The following KLHL1 variants were observed in gnomAD, a reference collection of about 807,000 sequenced individuals.
KLHL1 encodes the protein kelch-like protein 1.
KLHL1 carries 47 observed loss-of-function variants against 77.7 expected under a neutral mutation model. That is an observed-to-expected ratio of 0.60 (90% CI 0.48 to 0.77). The LOEUF is 0.77. Ranked by LOEUF, KLHL1 falls within the 30% of genes least tolerant of loss-of-function variation. KLHL1 has a pLI of 0.00. For missense variants in KLHL1, 925 were observed against 910.8 expected, an observed-to-expected ratio of 1.02 and a Z score of -0.20; for synonymous variants, 360 against 325.2, an observed-to-expected ratio of 1.11 and a Z score of -1.15.
chr13:69,800,352 C>T (rs970951539), intron 6 of KLHL1, among the ~76,000 whole-genome samples: 2 of 152,070 alleles, frequency 1.3e-5, no homozygotes, highest in Non-Finnish European at 2.9e-5. Flanking sequence ...AGGATATGGA[C>T]ATTTTTCTGG....
At chr13:70,024,992 A>G (rs2137357690) in intron 1 of KLHL1, among the ~76,000 whole-genome samples, 1 of 152,084 alleles carries the variant, frequency 6.6e-6, no homozygotes, top group Admixed American at 6.6e-5. Context: ...GATATTTTTT[A>G]TAAGCCTCAC....
chr13:69,729,996 G>C (rs1179226933), intron 8 of KLHL1, among the ~76,000 whole-genome samples: 1 of 151,842 alleles, frequency 6.6e-6, no homozygotes, highest in Non-Finnish European at 1.5e-5. Context: ...TACAGGAAAA[G>C]TAATCTGAAT....
chr13:70,000,448 T>C (rs1593663884), intron 1 of KLHL1, among the ~76,000 whole-genome samples: 3 of 151,992 alleles, frequency 2.0e-5, no homozygotes, highest in South Asian at 4.1e-4. Flanking sequence ...AAAGCGTATA[T>C]ACATTAGTTA....
intron 3 of KLHL1, among the ~76,000 whole-genome samples, chr13:69,948,347 A>G (rs1593977885): frequency 6.6e-6 from 1 of 151,994 alleles, no homozygotes; most frequent in Non-Finnish European, 1.5e-5. Flanking sequence ...ATCCCCAGAA[A>G]TTTTTCTCCA....
At chr13:70,033,175 A>G (rs1886148523) in intron 1 of KLHL1, among the ~76,000 whole-genome samples, 2 of 152,200 alleles carry the variant, frequency 1.3e-5, no homozygotes, top group Non-Finnish European at 2.9e-5. Flanking sequence ...CTATGTTGAA[A>G]GAAAAGGTAT....
chr13:69,931,064 C>T (rs886972833), intron 4 of KLHL1, among the ~76,000 whole-genome samples: 1 of 148,402 alleles, frequency 6.7e-6, no homozygotes, highest in African/African-American at 2.6e-5. Context: ...TATCAGACGT[C>T]AAATTAGAAA....
chr13:70,062,733 GT>G, intron 1 of KLHL1, among the ~76,000 whole-genome samples: 1 of 152,002 alleles, frequency 6.6e-6, no homozygotes, highest in East Asian at 1.9e-4. Context: ...GCTTCTTAAT[GT>G]ATTAAACTTG....
At chr13:69,822,197 C>CAAAAAA (rs35346749) in intron 6 of KLHL1, among the ~76,000 whole-genome samples, 17 of 78,392 alleles carry the variant, frequency 2.2e-4, no homozygotes, top group African/African-American at 6.4e-4. Flanking sequence ...GACTCCATCT[C>CAAAAAA]AAAAAAAAAA....
chr13:69,777,909 T>C (rs1021692657), intron 7 of KLHL1, among the ~76,000 whole-genome samples: 7 of 152,140 alleles, frequency 4.6e-5, no homozygotes, highest in Non-Finnish European at 1.0e-4. Flanking sequence ...GGTAGTTGAA[T>C]GCAGGAATAA....
chr13:70,044,549 C>A (rs1886451534), intron 1 of KLHL1, among the ~76,000 whole-genome samples: 2 of 151,626 alleles, frequency 1.3e-5, no homozygotes, highest in Non-Finnish European at 2.9e-5. Flanking sequence ...TGGAAAATTT[C>A]TTTTAAAATA....
At position 69,939,378 on chromosome 13, in the gene KLHL1, T is replaced by TATATATATATACAC. The variant is rs1200160699; in HGVS notation, c.1014+661_1014+662insGTGTATATATATAT. ...ATATATATATATATATATATATATA[T>TATATATATATACAC]ACACACACACACGCACACACATACA... On this transcript the variant is annotated intron_variant, in intron 4 of 10. Coordinates refer to ENST00000377844, the MANE Select transcript of KLHL1 (RefSeq NM_020866.3). Among the ~76,000 whole-genome samples the TATATATATATACAC allele has an allele frequency of 9.3e-3, 656 of 70,206 alleles. 9 individuals carry two copies. Among genetic ancestry groups the TATATATATATACAC allele is most frequent in the African/African-American group, 0.011 (168 of 15,594 alleles). The allele number at this position is 70,206 out of a possible 152,430, so 46.1% of individuals were successfully genotyped here.
intron 6 of KLHL1, among the ~76,000 whole-genome samples, chr13:69,814,279 A>G (rs537291178): frequency 6.6e-6 from 1 of 152,280 alleles, no homozygotes; most frequent in African/African-American, 2.4e-5. Context: ...TAAGACCTCA[A>G]ACCATAAAAA....
chr13:70,101,978 G>A (rs926845698), intron 1 of KLHL1, among the ~76,000 whole-genome samples: 15 of 150,848 alleles, frequency 9.9e-5, no homozygotes, highest in Admixed American at 7.3e-4. Context: ...GTAAAATTGA[G>A]TAAGTTTGTT....
At chr13:70,054,695 TCAGA>T (rs928499377) in intron 1 of KLHL1, among the ~76,000 whole-genome samples, 4 of 150,394 alleles carry the variant, frequency 2.7e-5, no homozygotes, top group African/African-American at 7.3e-5. Flanking sequence ...CAGAATCCTC[TCAGA>T]CAAATTTAAA....
chr13:70,069,891 G>A (rs764968517), intron 1 of KLHL1, among the ~76,000 whole-genome samples: 47 of 152,000 alleles, frequency 3.1e-4, no homozygotes, highest in Non-Finnish European at 4.0e-4. Flanking sequence ...AGATGAGGCC[G>A]GGCACGGTGG....
chr13:69,896,211 C>G (rs1233827051), intron 4 of KLHL1, among the ~76,000 whole-genome samples: 4 of 152,140 alleles, frequency 2.6e-5, no homozygotes, highest in African/African-American at 9.7e-5. Context: ...TGATTGGAAT[C>G]TCTCTTGCAG....
At chr13:69,882,214 T>C in intron 5 of KLHL1, 69 bp downstream of exon 5, 1 of 1,047,338 alleles carries the variant, frequency 9.5e-7, no homozygotes, top group Non-Finnish European at 1.5e-6. Context: ...AAATGTGTTT[T>C]GATGTTTACT....
chr13:70,060,422 C>A (rs559051055), intron 1 of KLHL1, among the ~76,000 whole-genome samples: 1 of 151,576 alleles, frequency 6.6e-6, no homozygotes, highest in South Asian at 2.1e-4. Flanking sequence ...AGATATGTAA[C>A]AAAAAGGAAG....
At chr13:69,846,747 CAT>C (rs1294290518) in intron 5 of KLHL1, among the ~76,000 whole-genome samples, 7 of 151,448 alleles carry the variant, frequency 4.6e-5, no homozygotes, top group South Asian at 2.1e-4. Flanking sequence ...AAAATAGTCA[CAT>C]GTTTAGCAAC....
Sources: gnomAD v4.1 joint callset for allele counts (sites outside exome capture counted in the v4.1 genomes callset) on GRCh38, gnomAD v4.1.1 for gene constraint, MANE v1.5 for transcripts, NCBI Gene and HGNC (gene_info 2026-07-23, HGNC 2026-07-21) for gene names.